CENPF: variants seen among roughly 807,000 people sequenced by gnomAD.
The protein encoded by CENPF is AH antigen.
Under a neutral mutation model 307.3 loss-of-function variants are expected in CENPF, and 214 were observed. The ratio of observed to expected loss-of-function variants is 0.70; its 90% CI spans 0.62 to 0.78. The LOEUF is 0.78. Ranked by LOEUF, CENPF falls within the 30% of genes least tolerant of loss-of-function variation. The pLI is 0.00. For missense variants in CENPF, 3,401 were observed against 3,483.9 expected (o/e 0.98, Z 0.60); for synonymous variants, 1,259 against 1,270.6 (o/e 0.99, Z 0.19).
intron 13 of CENPF, 124 bp downstream of exon 13, chr1:214,647,524 T>C: frequency 9.1e-7 from 1 of 1,103,328 alleles, no homozygotes; most frequent in Non-Finnish European, 1.2e-6. Context: ...CCAAACTTTG[T>C]AAAGGCTTTA....
chr1:214,651,937 A>G (rs1210994711), intron 15 of CENPF, 51 bp downstream of exon 15: 2 of 1,448,134 alleles, frequency 1.4e-6, no homozygotes, highest in African/African-American at 1.5e-5. Flanking sequence ...TATTTTGATC[A>G]TGGTAAGGCT....
rs1437846078 is a variant in CENPF, at chr1:214,644,577, G to A, written c.5007G>A (p.Glu1669=). 15 of 1,602,530 alleles carry A rather than the reference G, an allele frequency of 9.4e-6. No individual in the cohort carries two copies. The highest frequency in any genetic ancestry group is 1.2e-5 in the Non-Finnish European group (14 of 1,173,924). The change falls in exon 13 of 20, where the codon GAG becomes GAA. Residue 1669 remains glutamate, a synonymous_variant. Transcript: ENST00000366955. ...DTEDAIQGRN[E]SCDISKEHTS... ...TACAGGCTATTCAAGGCCGAAATGA[G>A]AGCTGTGACATATCAAAAGAACATA... is the stretch of plus-strand genomic sequence containing the variant.
chr1:214,614,621 T>C (rs551238121), intron 2 of CENPF, among the ~76,000 whole-genome samples: 1 of 152,308 alleles, frequency 6.6e-6, no homozygotes, highest in Non-Finnish European at 1.5e-5. Context: ...AGGATGGGTG[T>C]GTCTGGCCAA....
intron 3 of CENPF, among the ~76,000 whole-genome samples, chr1:214,616,784 T>C (rs1022677634): frequency 2.6e-5 from 4 of 151,894 alleles, no homozygotes; most frequent in African/African-American, 9.7e-5. Flanking sequence ...GCTAAGGGCT[T>C]TCTTTCTTTC....
chr1:214,652,283 C>T (rs1379351428), intron 15 of CENPF, among the ~76,000 whole-genome samples: 1 of 151,832 alleles, frequency 6.6e-6, no homozygotes, highest in Non-Finnish European at 1.5e-5. Context: ...GATCTGCCCA[C>T]CTTGGCCTCC....
chr1:214,605,712 G>C (rs1404090288), intron 1 of CENPF: 2 of 1,592,874 alleles, frequency 1.3e-6, no homozygotes, highest in Non-Finnish European at 1.7e-6. Flanking sequence ...GAGATGAAGC[G>C]ACGCAGGCCC....
intron 3 of CENPF, among the ~76,000 whole-genome samples, chr1:214,616,120 A>G (rs963225330): frequency 1.3e-5 from 2 of 152,204 alleles, no homozygotes; most frequent in Non-Finnish European, 1.5e-5. Context: ...GCAATCTCAT[A>G]TAGTTCAACC....
chr1:214,640,164 A>C lies in CENPF; in HGVS notation c.1826A>C (p.Tyr609Ser). 1 of 1,588,592 alleles carries C rather than the reference A, an allele frequency of 6.3e-7. No individual in the cohort carries two copies. The highest frequency in any genetic ancestry group is 8.5e-7 in the Non-Finnish European group (1 of 1,173,738). ...LSALELKKKE[Y>S]EELKEEKTLF... ...GCTTTAGAGTTAAAAAAGAAAGAAT[A>C]TGAAGAATTGAAAGAAGAGAAAACT... is the stretch of plus-strand genomic sequence containing the variant. Residue 609 changes from tyrosine (Y) to serine (S), a missense_variant, in exon 12 of 20, where the codon TAT becomes TCT. By Grantham distance (144) the Tyr-to-Ser change is moderately radical. Coordinates refer to ENST00000366955, the MANE Select transcript of CENPF (RefSeq NM_016343.4).
At chr1:214,635,537 C>A (rs1347540479) in intron 10 of CENPF, among the ~76,000 whole-genome samples, 1 of 152,138 alleles carries the variant, frequency 6.6e-6, no homozygotes, top group Non-Finnish European at 1.5e-5. Context: ...TAATGAGATA[C>A]CCAATCAAGT....
chr1:214,647,442 A>G, intron 13 of CENPF, 42 bp downstream of exon 13: 1 of 1,535,296 alleles, frequency 6.5e-7, no homozygotes, highest in Non-Finnish European at 8.8e-7. Flanking sequence ...TGTAGTCATG[A>G]GGCAGGAAAC....
At chr1:214,651,957 T>TTC (rs1658475855) in intron 15 of CENPF, 71 bp downstream of exon 15, 1 of 1,360,382 alleles carries the variant, frequency 7.4e-7, no homozygotes, top group East Asian at 2.4e-5. Context: ...TTTTTTTTTT[T>TTC]TCCAAAAAAA....
chr1:214,612,032 T>C (rs1291589836), intron 1 of CENPF, among the ~76,000 whole-genome samples: 1 of 152,190 alleles, frequency 6.6e-6, no homozygotes, highest in African/African-American at 2.4e-5. Context: ...ATAGGAGTAG[T>C]GGAAGAGGGC....
At chr1:214,606,961 T>A (rs1347142403) in intron 1 of CENPF, among the ~76,000 whole-genome samples, 1 of 152,204 alleles carries the variant, frequency 6.6e-6, no homozygotes, top group Non-Finnish European at 1.5e-5. Context: ...CAGGTGTGCG[T>A]CCCCTCTGCC....
At chr1:214,608,282 C>G in intron 1 of CENPF, 3 of 1,554,596 alleles carry the variant, frequency 1.9e-6, no homozygotes, top group Non-Finnish European at 2.6e-6. Flanking sequence ...TTGGGTGTGC[C>G]CAGGCTGAGC....
At position 214,663,944 on chromosome 1, in the gene CENPF, C is replaced by G. The variant is rs1462239213; in HGVS notation, c.*150C>G. ...CTTAAATATATTGTACTCTTTAGAT[C>G]TCCCATGTGTAGGTATTGAAAAAGT... On this transcript the variant is annotated 3_prime_UTR_variant, in exon 20 of 20. Coordinates refer to ENST00000366955, the MANE Select transcript of CENPF (RefSeq NM_016343.4). 1 of 647,026 alleles carries G rather than the reference C, an allele frequency of 1.5e-6. No individual in the cohort carries two copies. The highest frequency in any genetic ancestry group is 1.8e-5 in the African/African-American group (1 of 54,808). The allele number at this position is 647,026 out of a possible 1,614,324, so 40.1% of individuals were successfully genotyped here.
intron 7 of CENPF, among the ~76,000 whole-genome samples, chr1:214,624,422 G>A (rs1035664014): frequency 6.6e-6 from 1 of 151,864 alleles, no homozygotes; most frequent in African/African-American, 2.4e-5. Context: ...TTTTCTGGGA[G>A]TTTTAAAATT....
At chr1:214,653,617 A>G (rs1658550888) in intron 16 of CENPF, 2 of 154,318 alleles carry the variant, frequency 1.3e-5, no homozygotes, top group Admixed American at 6.5e-5. Context: ...GTGTATAGTA[A>G]TGAACCTGGA....
chr1:214,629,054 A>G lies in CENPF; in HGVS notation c.1077A>G (p.Ala359=). The change falls in exon 8 of 20, where the codon GCA becomes GCG. Residue 359 remains alanine, a synonymous_variant. Coordinates refer to ENST00000366955, the MANE Select transcript of CENPF (RefSeq NM_016343.4). ...QYDQASTKYT[A]LEQKLKKLTE... ...TTTTTATTCATTATTAGTATACTGC[A>G]TTGGAACAAAAACTGAAAAAATTGA... The G allele has an allele frequency of 1.2e-6, 2 of 1,607,210 alleles. No homozygotes were observed. The highest frequency in any genetic ancestry group is 2.2e-5 in the South Asian group (2 of 89,870).
At chr1:214,616,937 CTCCCTCCCTCCCTTCCTTCCTTCCCTCCT>C (rs1657373247) in intron 3 of CENPF, among the ~76,000 whole-genome samples, 1 of 110,270 alleles carries the variant, frequency 9.1e-6, no homozygotes, top group Non-Finnish European at 1.7e-5. Context: ...TCTTTCCACC[CTCCCTCCCTCCCTTCCTTCCTTCCCTCCT>C]TCCCTCCCTC....
Sources: allele counts gnomAD v4.1 joint callset (sites outside exome capture counted in the v4.1 genomes callset), GRCh38; gene constraint gnomAD v4.1.1; transcripts MANE v1.5; gene names NCBI Gene and HGNC (gene_info 2026-07-23, HGNC 2026-07-21).